The following ADGRA2 variants were observed in gnomAD, a reference collection of about 807,000 sequenced individuals.
ADGRA2 encodes the protein G-protein coupled receptor 124.
Under a neutral mutation model 98.7 loss-of-function variants are expected in ADGRA2, and 61 were observed. The ratio of observed to expected loss-of-function variants is 0.62; its 90% CI spans 0.50 to 0.76. The LOEUF is 0.76. ADGRA2 is among the 30% of genes least tolerant of loss of function. The probability of loss-of-function intolerance (pLI) is 0.00; values close to 1 mark genes in which losing one functional copy is unlikely to be tolerated. For synonymous variants in ADGRA2, 858 were observed against 831.5 expected (o/e 1.03, Z -0.55); for missense variants, 1,712 against 1,860.0 (o/e 0.92, Z 1.46).
chr8:37,798,767 G>A (rs1804416277), intron 1 of ADGRA2, among the ~76,000 whole-genome samples: 1 of 152,236 alleles, frequency 6.6e-6, no homozygotes, highest in Admixed American at 6.5e-5. Flanking sequence ...CCCGCTTCCT[G>A]ACAGGACACA....
intron 1 of ADGRA2, among the ~76,000 whole-genome samples, chr8:37,801,785 A>C (rs553366781): frequency 6.6e-6 from 1 of 152,252 alleles, no homozygotes; most frequent in South Asian, 2.1e-4. Flanking sequence ...TGGCGCCGGG[A>C]TGGGCATTGC....
intron 13 of ADGRA2, among the ~76,000 whole-genome samples, chr8:37,836,748 C>T (rs1468963087): frequency 6.6e-6 from 1 of 152,232 alleles, no homozygotes; most frequent in African/African-American, 2.4e-5. Context: ...TGGGTTGTTT[C>T]CCATCATCAG....
rs1010428034 is a variant in ADGRA2, at chr8:37,843,676, G to A, written c.*1321G>A. On this transcript the variant is annotated 3_prime_UTR_variant, in exon 19 of 19. Transcript: ENST00000412232. The stretch of plus-strand genomic sequence containing the variant: ...GGTGACAGAGGACACAGGGGAGGGG[G>A]AAAACCCACACACACTCCTTGGAAT... 3 of 152,374 alleles carry A rather than the reference G, an allele frequency of 2.0e-5. No individual in the cohort carries two copies. Among genetic ancestry groups the A allele is most frequent in the African/African-American group, 4.8e-5 (2 of 41,386 alleles). 9.4% of individuals were successfully genotyped at this position (152,374 alleles called of 1,614,324 possible).
Position 37,830,301 on chromosome 8 carries a change from G to A in ADGRA2, c.718+287G>A, listed in dbSNP as rs889174553. 6.6e-6 allele frequency among the ~76,000 whole-genome samples: 1 copy of A among 152,192 alleles called. No homozygotes were observed. The highest frequency in any genetic ancestry group is 2.4e-5 in the African/African-American group (1 of 41,518). The stretch of plus-strand genomic sequence containing the variant: ...AAAGAATCACATTTACTATCCCAGC[G>A]ACCCTCCCTGTGAGGCGGGGCCAGT... On this transcript the variant is annotated intron_variant, in intron 6 of 18. Coordinates refer to ENST00000412232, the MANE Select transcript of ADGRA2 (RefSeq NM_032777.10). This position sits in a 1 kb window ranked among gnomAD's most constrained non-coding sequence, Gnocchi z 4.8.
chr8:37,844,754 C>T lies in ADGRA2; in HGVS notation c.*2399C>T. ...TATTTCCCACCTCCCCTTCTCCTTG[C>T]CCCTGTCCCCACCCCGGTGGCTCCT... On this transcript the variant is annotated 3_prime_UTR_variant, in exon 19 of 19. Transcript: ENST00000412232. The T allele has an allele frequency of 6.2e-7, 1 of 1,614,086 alleles. No homozygotes were observed. Among genetic ancestry groups the T allele is most frequent in the Non-Finnish European group, 8.5e-7 (1 of 1,179,998 alleles).
intron 2 of ADGRA2, among the ~76,000 whole-genome samples, chr8:37,816,596 ACAC>A (rs1563342113): frequency 8.9e-4 from 70 of 78,368 alleles, no homozygotes; most frequent in African/African-American, 3.0e-3. Flanking sequence ...CGTCTCAAAC[ACAC>A]ACACACACAC....
Position 37,830,673 on chromosome 8 carries a change from T to G in ADGRA2, c.719-37T>G. On this transcript the variant is annotated intron_variant, in intron 6 of 18. Coordinates refer to ENST00000412232, the MANE Select transcript of ADGRA2 (RefSeq NM_032777.10). The surrounding 1 kb of genome is among the most constrained non-coding windows in gnomAD (Gnocchi z 4.8). The stretch of plus-strand genomic sequence containing the variant: ...TCACACGTGCAGCCTCACATGCGTG[T>G]GCACTCGGGCCTCACGCCTGGTGTC... 8.4e-7 allele frequency: 1 copy of G among 1,187,182 alleles called. No homozygotes were observed. Among genetic ancestry groups the G allele is most frequent in the East Asian group, 4.4e-5 (1 of 22,606 alleles). 73.5% of individuals were successfully genotyped at this position (1,187,182 alleles called of 1,614,324 possible).
chr8:37,838,104 C>A (rs1177774716), intron 14 of ADGRA2, among the ~76,000 whole-genome samples, 165 bp downstream of exon 14: 1 of 152,216 alleles, frequency 6.6e-6, no homozygotes, highest in Non-Finnish European at 1.5e-5. Flanking sequence ...GGCCCTTTGG[C>A]CTCTCCTACC....
At chr8:37,815,064 C>T in intron 2 of ADGRA2, 97 bp downstream of exon 2, 1 of 881,706 alleles carries the variant, frequency 1.1e-6, no homozygotes, top group Admixed American at 1.7e-5. Flanking sequence ...TGAGTGACTC[C>T]AGAACCTGCC....
chr8:37,811,310 C>T (rs1338796829), intron 1 of ADGRA2, among the ~76,000 whole-genome samples: 18 of 149,968 alleles, frequency 1.2e-4, no homozygotes, highest in Non-Finnish European at 2.4e-4. Flanking sequence ...GCTGGGATTA[C>T]AGGCGCCTGC....
Position 37,842,511 on chromosome 8 carries a change from GC to G in ADGRA2, c.*157del. ...CGGATGTTCCCCACTTGCCTAGAGG[GC>G]ATCCCTCTGGGGTAGCGACAGACAA... On this transcript the variant is annotated 3_prime_UTR_variant, in exon 19 of 19. Coordinates refer to ENST00000412232, the MANE Select transcript of ADGRA2 (RefSeq NM_032777.10). 6 of 1,246,038 alleles carry G rather than the reference GC, an allele frequency of 4.8e-6. No individual in the cohort carries two copies. Among genetic ancestry groups the G allele is most frequent in the Non-Finnish European group, 6.3e-6 (6 of 952,876 alleles). 77.2% of individuals were successfully genotyped at this position (1,246,038 alleles called of 1,614,324 possible). A position where few individuals can be genotyped will look rare whatever the true frequency, so the allele number is the denominator to read the frequency against.
At chr8:37,818,348 C>G (rs555062973) in intron 2 of ADGRA2, among the ~76,000 whole-genome samples, 1 of 152,252 alleles carries the variant, frequency 6.6e-6, no homozygotes, top group East Asian at 1.9e-4. Context: ...AGCCTTGCCC[C>G]TGTCTCCTCA....
rs1804920245 is a variant in ADGRA2, at chr8:37,814,306, T to G, written c.267-590T>G. Among the ~76,000 whole-genome samples, 1 of 152,182 alleles carries G rather than the reference T, an allele frequency of 6.6e-6. No homozygotes were observed. On this transcript the variant is annotated intron_variant, in intron 1 of 18. Transcript: ENST00000412232. The surrounding 1 kb of genome is among the most constrained non-coding windows in gnomAD (Gnocchi z 4.3). ...GCTTCCCCTACACTCGGGGCTCCAT[T>G]GGCTTTCTGCCAAGGCTTCAGAAGG... is the stretch of plus-strand genomic sequence containing the variant.
At position 37,840,139 on chromosome 8, in the gene ADGRA2, T is replaced by C. The variant is rs1805745833; in HGVS notation, c.2530T>C (p.Tyr844His). 2 of 1,605,596 alleles carry C rather than the reference T, an allele frequency of 1.2e-6. No homozygotes were observed. The highest frequency in any genetic ancestry group is 2.7e-5 in the African/African-American group (2 of 74,886). The part of the protein sequence containing the change: ...VCQAVGITLH[Y>H]SSLSTLLWMG... Reference sequence around the variant, plus strand: ...CCCGCAGGTGGGCATCACCCTGCACTACTCCTCCCTATCCACGCTGCTCTG... The same window carrying C: ...CCCGCAGGTGGGCATCACCCTGCACCACTCCTCCCTATCCACGCTGCTCTG... The change falls in exon 17 of 19, where the codon TAC (tyrosine) becomes CAC (histidine). Residue 844 changes from tyrosine to histidine, a missense_variant. By Grantham distance (83) the Tyr-to-His change is moderately conservative. Transcript: ENST00000412232.
In ADGRA2 at chr8:37,841,775, T is replaced by G. The variant is rs111828443; in HGVS notation, c.3437T>G (p.Val1146Gly). 2.6e-6 allele frequency: 4 copies of G among 1,536,740 alleles called. No individual in the cohort carries two copies. Among genetic ancestry groups the G allele is most frequent in the East Asian group, 5.0e-5 (2 of 40,374 alleles). The change falls in exon 19 of 19, where the codon GTG becomes GGG. Residue 1146 changes from valine to glycine, a missense_variant. Val to Gly is a moderately radical substitution (Grantham distance 109). Coordinates refer to ENST00000412232, the MANE Select transcript of ADGRA2 (RefSeq NM_032777.10). This position sits in a 1 kb window ranked among gnomAD's most constrained non-coding sequence, Gnocchi z 5.0. ...AACCTGCAGCTGGCCCAGAGTCAGG[T>G]GTGCGAGGCGGGGGCGGCGGCCGGC... The part of the protein sequence containing the change: ...LTNLQLAQSQ[V>G]CEAGAAAGGE...
In ADGRA2 at chr8:37,834,147, G is replaced by GA; in HGVS notation, c.1608+19_1608+20insA. The GA allele has an allele frequency of 1.9e-6, 3 of 1,598,160 alleles. No individual in the cohort carries two copies. Among genetic ancestry groups the GA allele is most frequent in the Non-Finnish European group, 2.6e-6 (3 of 1,171,820 alleles). On this transcript the variant is annotated intron_variant, in intron 11 of 18. Coordinates refer to ENST00000412232, the MANE Select transcript of ADGRA2 (RefSeq NM_032777.10). This position sits in a 1 kb window ranked among gnomAD's most constrained non-coding sequence, Gnocchi z 4.2. ...CTCAGTGGTAATGGGGGTCAGCAGA[G>GA]GGGGTGGCCCTGGCATGCAGAGGAG...
chr8:37,822,068 A>G (rs1805142579), intron 2 of ADGRA2, among the ~76,000 whole-genome samples: 3 of 152,168 alleles, frequency 2.0e-5, no homozygotes, highest in African/African-American at 7.2e-5. Context: ...CTTGTTTGCC[A>G]TGGTAGCCCC....
chr8:37,808,031 G>T (rs959582131), intron 1 of ADGRA2, among the ~76,000 whole-genome samples: 3 of 152,162 alleles, frequency 2.0e-5, no homozygotes, highest in Non-Finnish European at 4.4e-5. Flanking sequence ...GACGCCAGCC[G>T]CTTGCTCCCT....
intron 2 of ADGRA2, among the ~76,000 whole-genome samples, chr8:37,825,019 T>A (rs1411851924): frequency 1.3e-5 from 2 of 152,098 alleles, no homozygotes; most frequent in Admixed American, 1.3e-4. Context: ...TCCCTCCACA[T>A]CTGGCTTAGG....
Sources: gnomAD v4.1 joint callset for allele counts (sites outside exome capture counted in the v4.1 genomes callset) on GRCh38, gnomAD v4.1.1 for gene constraint, Gnocchi (gnomAD v3.1) non-coding constraint, MANE v1.5 for transcripts, NCBI Gene and HGNC (gene_info 2026-07-23, HGNC 2026-07-21) for gene names.